TENM2: variants seen among roughly 807,000 people sequenced by gnomAD.
TENM2 encodes teneurin-2.
Under a neutral mutation model 245.2 loss-of-function variants are expected in TENM2, and 52 were observed. The observed-to-expected ratio is 0.21, with a 90% CI of 0.17 to 0.27. The LOEUF is 0.27. Among genes scored for constraint, TENM2 ranks in the 10% least tolerant of loss-of-function variants. The probability of loss-of-function intolerance (pLI) is 1.00; values close to 1 mark genes in which losing one functional copy is unlikely to be tolerated. For missense variants in TENM2, 3,046 were observed against 3,666.8 expected (o/e 0.83, Z 4.37); for synonymous variants, 1,363 against 1,438.9 (o/e 0.95, Z 1.19).
At chr5:167,537,479 A>G (rs1052569753) in intron 2 of TENM2, among the ~76,000 whole-genome samples, 3 of 152,380 alleles carry the variant, frequency 2.0e-5, no homozygotes, top group Non-Finnish European at 2.9e-5. Flanking sequence ...ATCACTTGGT[A>G]TAAAAGGAGA....
At chr5:167,588,850 A>G (rs986433498) in intron 2 of TENM2, among the ~76,000 whole-genome samples, 1 of 152,192 alleles carries the variant, frequency 6.6e-6, no homozygotes, top group African/African-American at 2.4e-5. Flanking sequence ...GAACCCATTT[A>G]ATTCATCTTG....
At chr5:167,190,417 G>A in the TENM2 span, among the ~76,000 whole-genome samples, 16 of 152,012 alleles carry the variant, frequency 1.1e-4, no homozygotes, top group Non-Finnish European at 1.6e-4. Context: ...GTGGGTCATA[G>A]CAAAGGTGTA....
intron 2 of TENM2, among the ~76,000 whole-genome samples, chr5:167,712,810 G>GA (rs1397489639): frequency 6.6e-6 from 1 of 152,168 alleles, no homozygotes; most frequent in Non-Finnish European, 1.5e-5. Context: ...GTTTAGAGAA[G>GA]AAAAGAGTTA....
At chr5:168,209,921 G>A (rs1236304452) in intron 19 of TENM2, among the ~76,000 whole-genome samples, 1 of 152,200 alleles carries the variant, frequency 6.6e-6, no homozygotes, top group Non-Finnish European at 1.5e-5. Flanking sequence ...GAGACGGGCT[G>A]AGAATGCCAC....
intron 2 of TENM2, among the ~76,000 whole-genome samples, chr5:167,770,795 C>A (rs1763352208): frequency 6.6e-6 from 1 of 152,122 alleles, no homozygotes; most frequent in African/African-American, 2.4e-5. Flanking sequence ...AACTTCTGAA[C>A]AGCTTTGGTT....
At chr5:167,980,598 G>A (rs1283947633) in intron 4 of TENM2, among the ~76,000 whole-genome samples, 1 of 152,154 alleles carries the variant, frequency 6.6e-6, no homozygotes, top group African/African-American at 2.4e-5. Flanking sequence ...CGCCTTATAG[G>A]CCATGATGCA....
chr5:167,944,808 T>C (rs1325718838), intron 3 of TENM2, among the ~76,000 whole-genome samples: 3 of 152,234 alleles, frequency 2.0e-5, no homozygotes, highest in African/African-American at 7.2e-5. Flanking sequence ...AAATGTATAC[T>C]TTTAAAAGCT....
intron 12 of TENM2, among the ~76,000 whole-genome samples, chr5:168,153,736 C>T (rs376522908): frequency 4.6e-5 from 7 of 152,154 alleles, no homozygotes; most frequent in South Asian, 2.1e-4. Flanking sequence ...TAAATGCAGA[C>T]GGCTGGGCCC....
intron 2 of TENM2, among the ~76,000 whole-genome samples, chr5:167,426,148 A>G (rs527847024): frequency 3.3e-5 from 5 of 152,280 alleles, no homozygotes; most frequent in Admixed American, 2.0e-4. Flanking sequence ...AGTATGCTGC[A>G]GTCATTCTCT....
Position 168,024,952 on chromosome 5 carries a change from C to T in TENM2, c.1187-22475C>T, listed in dbSNP as rs181552833. 1.1e-4 allele frequency among the ~76,000 whole-genome samples: 16 copies of T among 152,308 alleles called. No homozygotes were observed. The Middle Eastern group carries it at 0.01, about 97-fold the overall frequency. ...CAAAGATGATGTTACTCTAGGAAAA[C>T]AGGCTTCCTCCGTGTTATCTCTGTG... On this transcript the variant is annotated intron_variant, in intron 5 of 28. Coordinates refer to ENST00000518659, the Ensembl canonical transcript of TENM2.
intron 18 of TENM2, 30 bp downstream of exon 20, chr5:168,203,862 C>T (rs778593757): frequency 1.3e-6 from 2 of 1,569,654 alleles, no homozygotes; most frequent in African/African-American, 1.3e-5. Context: ...TTCCCAAATA[C>T]AGCCTTGCCA....
At chr5:167,528,957 C>T (rs1334597809) in intron 2 of TENM2, among the ~76,000 whole-genome samples, 2 of 152,000 alleles carry the variant, frequency 1.3e-5, no homozygotes, top group Admixed American at 6.6e-5. Flanking sequence ...TTAGTTTATT[C>T]GAGTAAGTAT....
At position 168,098,191 on chromosome 5, in the gene TENM2, G is replaced by A. The variant is rs879152152; in HGVS notation, c.1813+64G>A. On this transcript the variant is annotated intron_variant, in intron 9 of 28. Coordinates refer to ENST00000518659, the Ensembl canonical transcript of TENM2. Reference sequence around the variant, plus strand: ...ACCCTCCCTAGGCTTCTCTGAGCGGGTAACAGAAGGGACATCCAAGTAGCC... The same window carrying A: ...ACCCTCCCTAGGCTTCTCTGAGCGGATAACAGAAGGGACATCCAAGTAGCC... The A allele has an allele frequency of 2.1e-5, 25 of 1,168,760 alleles. No individual in the cohort carries two copies. The South Asian group carries it at 2.5e-4, about 11-fold the overall frequency. The allele number at this position is 1,168,760 out of a possible 1,614,324, so 72.4% of individuals were successfully genotyped here.
chr5:167,674,983 A>G (rs578187033), intron 2 of TENM2, among the ~76,000 whole-genome samples: 67 of 152,222 alleles, frequency 4.4e-4, no homozygotes, highest in Non-Finnish European at 8.2e-4. Context: ...CACTGTCTCA[A>G]AAAACAAATG....
At chr5:167,863,086 C>A (rs1047923072) in intron 2 of TENM2, among the ~76,000 whole-genome samples, 1 of 152,176 alleles carries the variant, frequency 6.6e-6, no homozygotes, top group Non-Finnish European at 1.5e-5. Context: ...TACTGTATAA[C>A]CTTTGTCAAG....
At chr5:167,665,572 T>C (rs1755519135) in intron 2 of TENM2, among the ~76,000 whole-genome samples, 1 of 152,192 alleles carries the variant, frequency 6.6e-6, no homozygotes, top group African/African-American at 2.4e-5. Context: ...GTGGGAGTGC[T>C]TCATATTGAA....
chr5:167,138,830 C>T, the TENM2 span, among the ~76,000 whole-genome samples: 2 of 152,192 alleles, frequency 1.3e-5, no homozygotes, highest in Admixed American at 6.5e-5. Flanking sequence ...ACCATGTTGG[C>T]CAGGCTGGTC....
At chr5:167,155,949 G>A in the TENM2 span, among the ~76,000 whole-genome samples, 2 of 152,172 alleles carry the variant, frequency 1.3e-5, no homozygotes, top group Non-Finnish European at 2.9e-5. Context: ...AACTGCTTCT[G>A]TTGTCACTCT....
the TENM2 span, among the ~76,000 whole-genome samples, chr5:167,212,620 T>G: frequency 2.0e-5 from 3 of 152,208 alleles, no homozygotes; most frequent in African/African-American, 7.2e-5. Context: ...ATTCCCCTGA[T>G]GATGAAATAT....
Sources: allele counts gnomAD v4.1 joint callset (sites outside exome capture counted in the v4.1 genomes callset), GRCh38; gene constraint gnomAD v4.1.1; transcripts MANE v1.5; gene names NCBI Gene and HGNC (gene_info 2026-07-23, HGNC 2026-07-21).